Variants in SASH1 observed in about 807,000 individuals in gnomAD.
SASH1 encodes SAM and SH3 domain containing 1, also known as SAM and SH3 domain-containing protein 1.
A neutral mutation model predicts 125.2 loss-of-function variants in SASH1; 44 were observed. That is an observed-to-expected ratio of 0.35 (90% CI 0.28 to 0.45). The LOEUF (loss-of-function observed/expected upper bound fraction) is 0.45. Ranked by LOEUF, SASH1 falls within the 20% of genes least tolerant of loss-of-function variation. SASH1 has a pLI of 1.00. For missense variants in SASH1, 1,426 were observed against 1,614.5 expected (o/e 0.88, Z 2.00); for synonymous variants, 639 against 649.1 (o/e 0.98, Z 0.24).
rs1347242132 is a variant in SASH1 at position 148,544,794 on chromosome 6, C to T, written c.3324C>T (p.Leu1108=). ...AGCTGCACGCTGAAGGCATCGATCTCACGGAGGAGCCGTATTCTGATAAGG... is the reference window on the plus strand; with the variant it reads ...AGCTGCACGCTGAAGGCATCGATCTTACGGAGGAGCCGTATTCTGATAAGG... The part of the protein sequence containing the change: ...ENKLHAEGID[L]TEEPYSDKHG... The change falls in exon 18 of 20, where the codon CTC becomes CTT. Residue 1108 remains leucine, a synonymous_variant. Transcript: ENST00000367467. This position sits in a 1 kb window ranked among gnomAD's most constrained non-coding sequence, Gnocchi z 6.4. 1 of 1,595,734 alleles carries T rather than the reference C, an allele frequency of 6.3e-7. No individual in the cohort carries two copies. Among genetic ancestry groups the T allele is most frequent in the Non-Finnish European group, 8.5e-7 (1 of 1,171,080 alleles).
At chr6:148,368,768 G>GCACACACACACACACA (rs1554245318) in intron 1 of SASH1, among the ~76,000 whole-genome samples, 3 of 70,444 alleles carry the variant, frequency 4.3e-5, no homozygotes, top group South Asian at 3.9e-4. Context: ...GCGCACGCGC[G>GCACACACACACACACA]CGCACACACA....
At chr6:148,535,048 G>T (rs1415334583) in intron 16 of SASH1, 147 bp downstream of exon 16, 10 of 992,508 alleles carry the variant, frequency 1.0e-5, no homozygotes, top group Middle Eastern at 3.3e-4. Flanking sequence ...GTCCCTGTAC[G>T]CACAGAGGTG....
intron 1 of SASH1, among the ~76,000 whole-genome samples, chr6:148,319,146 C>T (rs1032216329): frequency 6.7e-6 from 1 of 148,290 alleles, no homozygotes; most frequent in African/African-American, 2.5e-5. Flanking sequence ...CATTCTCCTG[C>T]CTCAGCCTCC....
At chr6:148,394,779 G>A (rs1389220856) in intron 2 of SASH1, among the ~76,000 whole-genome samples, 1 of 152,128 alleles carries the variant, frequency 6.6e-6, no homozygotes, top group Non-Finnish European at 1.5e-5. Flanking sequence ...CGAGTAGCTA[G>A]GATTACAGGT....
chr6:148,254,414 T>C, the SASH1 span, among the ~76,000 whole-genome samples: 1 of 152,158 alleles, frequency 6.6e-6, no homozygotes, highest in East Asian at 1.9e-4. Flanking sequence ...GGCAGAAGGA[T>C]TGGAATGTAG....
chr6:148,359,841 C>T (rs542496622), intron 1 of SASH1, among the ~76,000 whole-genome samples: 1 of 152,280 alleles, frequency 6.6e-6, no homozygotes, highest in South Asian at 2.1e-4. Flanking sequence ...TCACTGCAAC[C>T]TTTGCCTGCC....
Position 148,342,911 on chromosome 6 carries a change from C to A in SASH1, c.-157C>A. 2 of 575,358 alleles carry A rather than the reference C, an allele frequency of 3.5e-6. No individual in the cohort carries two copies. The highest frequency in any genetic ancestry group is 4.4e-6 in the Non-Finnish European group (2 of 455,270). The allele number at this position is 575,358 out of a possible 1,614,324, so 35.6% of individuals were successfully genotyped here. A position where few individuals can be genotyped will look rare whatever the true frequency, so the allele number is the denominator to read the frequency against. On this transcript the variant is annotated 5_prime_UTR_variant, in exon 1 of 20. Coordinates refer to ENST00000367467, the MANE Select transcript of SASH1 (RefSeq NM_015278.5). ...CCGAGGTGCGGGCGCCTGCGAAGGG[C>A]CCCCGCGGGGTGGCCGGGGCCGCCG... is the stretch of plus-strand genomic sequence containing the variant.
intron 4 of SASH1, 176 bp downstream of exon 4, chr6:148,440,583 TA>T (rs1776502820): frequency 1.7e-6 from 1 of 604,162 alleles, no homozygotes; most frequent in Admixed American, 3.0e-5. Context: ...GTGTGTTTTG[TA>T]ATGCAGTTGG....
upstream of SASH1, among the ~76,000 whole-genome samples, chr6:148,339,838 C>A (rs1317720591): frequency 6.6e-6 from 1 of 152,194 alleles, no homozygotes; most frequent in East Asian, 1.9e-4. Flanking sequence ...AGCCACCATG[C>A]CCGGCCCGTT....
chr6:148,482,665 G>T (rs1179311508), intron 7 of SASH1, among the ~76,000 whole-genome samples: 1 of 145,198 alleles, frequency 6.9e-6, no homozygotes. Flanking sequence ...TAGACTCTAG[G>T]CATGTGCCAC....
chr6:148,378,372 T>G (rs1046688822), intron 1 of SASH1, among the ~76,000 whole-genome samples: 4 of 151,584 alleles, frequency 2.6e-5, no homozygotes, highest in African/African-American at 9.7e-5. Context: ...TTTTTTTTTT[T>G]GAGACAGGGT....
intron 1 of SASH1, among the ~76,000 whole-genome samples, chr6:148,371,276 G>A (rs1209621379): frequency 6.6e-6 from 1 of 151,808 alleles, no homozygotes; most frequent in African/African-American, 2.4e-5. Flanking sequence ...GCACCTAGTT[G>A]GCTATTCTTT....
intron 16 of SASH1, 23 bp from the exon 17 acceptor site, chr6:148,540,420 T>C: frequency 6.3e-7 from 1 of 1,590,756 alleles, no homozygotes; most frequent in Non-Finnish European, 8.6e-7. Flanking sequence ...CTTGTTGATT[T>C]CATGCCGTGT....
chr6:148,426,248 T>C (rs990036876), intron 2 of SASH1, among the ~76,000 whole-genome samples: 1 of 151,846 alleles, frequency 6.6e-6, no homozygotes, highest in African/African-American at 2.4e-5. Context: ...ATAATAATAC[T>C]TTTTTTTCCA....
chr6:148,380,589 A>AT (rs1783091800), intron 1 of SASH1, among the ~76,000 whole-genome samples: 1 of 152,244 alleles, frequency 6.6e-6, no homozygotes, highest in African/African-American at 2.4e-5. Context: ...AAAATGGAAA[A>AT]TGAGTTCAGT....
At chr6:148,408,105 C>T (rs2114896413) in intron 2 of SASH1, among the ~76,000 whole-genome samples, 1 of 148,296 alleles carries the variant, frequency 6.7e-6, no homozygotes, top group African/African-American at 2.5e-5. Context: ...TTTTGATTTG[C>T]ATTTTCCTAA....
intron 1 of SASH1, among the ~76,000 whole-genome samples, chr6:148,325,448 T>A (rs2114584696): frequency 6.6e-6 from 1 of 152,134 alleles, no homozygotes; most frequent in Non-Finnish European, 1.5e-5. Context: ...AGCTAATTTT[T>A]AAAATATTTT....
At chr6:148,512,589 C>T (rs1483156208) in intron 8 of SASH1, 2 of 985,034 alleles carry the variant, frequency 2.0e-6, no homozygotes, top group Non-Finnish European at 2.4e-6. Context: ...TCAAACCAGA[C>T]AAAACCATTT....
chr6:148,518,890 C>T (rs540276473), intron 9 of SASH1, among the ~76,000 whole-genome samples: 10 of 152,182 alleles, frequency 6.6e-5, no homozygotes, highest in Non-Finnish European at 1.2e-4. Context: ...GGCCCTTAAA[C>T]GCCCTGGCTG....
Sources: allele counts gnomAD v4.1 joint callset (sites outside exome capture counted in the v4.1 genomes callset), GRCh38; gene constraint gnomAD v4.1.1; non-coding constraint Gnocchi (gnomAD v3.1); transcripts MANE v1.5; gene names NCBI Gene and HGNC (gene_info 2026-07-23, HGNC 2026-07-21).